Variants in LIN28B observed in about 807,000 individuals in gnomAD.
The protein encoded by LIN28B is protein lin-28 homolog B.
Under a neutral mutation model 21.9 loss-of-function variants are expected in LIN28B, and 5 were observed. That is an observed-to-expected ratio of 0.23 (90% CI 0.12 to 0.48). The LOEUF (loss-of-function observed/expected upper bound fraction) is 0.48. Ranked by LOEUF, LIN28B falls within the 20% of genes least tolerant of loss-of-function variation. The pLI is 0.98. For synonymous variants in LIN28B, 109 were observed against 111.3 expected, an observed-to-expected ratio of 0.98 and a Z score of 0.13; for missense variants, 245 against 310.5, an observed-to-expected ratio of 0.79 and a Z score of 1.58.
chr6:105,053,687 G>A (rs1027268038), intron 3 of LIN28B, among the ~76,000 whole-genome samples: 1 of 141,426 alleles, frequency 7.1e-6, no homozygotes, highest in Non-Finnish European at 1.5e-5. Flanking sequence ...CTTTTTTATG[G>A]TTGTTTGTAT....
chr6:105,048,376 A>G (rs1462253991), intron 3 of LIN28B, among the ~76,000 whole-genome samples: 1 of 152,154 alleles, frequency 6.6e-6, no homozygotes, highest in Admixed American at 6.5e-5. Context: ...AGCCCATTTG[A>G]TCATGGTGGA....
chr6:104,958,025 A>C, intron 1 of LIN28B, 74 bp from the exon 2 acceptor site: 5 of 853,468 alleles, frequency 5.9e-6, no homozygotes, highest in South Asian at 3.8e-5. Context: ...CAGGCAGGCA[A>C]TTTTTTTTTT....
Position 104,989,576 on chromosome 6 carries a change from G to GTTTTTTTTTTTT in LIN28B, c.198+31304_198+31315dup, listed in dbSNP as rs34394074. ...GAAACTTTATTTTTATTTTACTTGG[G>GTTTTTTTTTTTT]TTTTTTTTTTTTTTTTTTTTTTTTT... is the stretch of plus-strand genomic sequence containing the variant. On this transcript the variant is annotated intron_variant, in intron 2 of 3. Coordinates refer to ENST00000345080, the MANE Select transcript of LIN28B (RefSeq NM_001004317.4). Among the ~76,000 whole-genome samples, 403 of 60,582 alleles carry GTTTTTTTTTTTT rather than the reference G, an allele frequency of 6.7e-3. 2 individuals are homozygous for GTTTTTTTTTTTT. The highest frequency in any genetic ancestry group is 7.3e-3 in the Admixed American group (27 of 3,684). The allele number at this position is 60,582 out of a possible 152,430, so 39.7% of individuals were successfully genotyped here.
intron 3 of LIN28B, among the ~76,000 whole-genome samples, chr6:105,055,054 T>C (rs535494861): frequency 2.0e-5 from 3 of 152,284 alleles, no homozygotes; most frequent in East Asian, 3.9e-4. Flanking sequence ...TAGTGTAAAA[T>C]GTATCTTTTT....
intron 3 of LIN28B, among the ~76,000 whole-genome samples, chr6:105,049,713 T>C (rs1562106388): frequency 2.0e-5 from 3 of 152,304 alleles, no homozygotes; most frequent in African/African-American, 7.2e-5. Context: ...ATATTTAGGA[T>C]AGTTAGCTCT....
chr6:105,059,723 C>A (rs1229910684), intron 3 of LIN28B, among the ~76,000 whole-genome samples: 1 of 152,084 alleles, frequency 6.6e-6, no homozygotes, highest in African/African-American at 2.4e-5. Context: ...TATGACAATA[C>A]TATTTGGCCC....
intron 2 of LIN28B, among the ~76,000 whole-genome samples, chr6:104,966,771 G>A (rs910337962): frequency 6.6e-6 from 1 of 151,768 alleles, no homozygotes; most frequent in Non-Finnish European, 1.5e-5. Flanking sequence ...ACAGGCACTC[G>A]CCACCACGCC....
intron 3 of LIN28B, among the ~76,000 whole-genome samples, chr6:105,033,657 G>A (rs1219052999): frequency 1.3e-5 from 2 of 151,650 alleles, no homozygotes; most frequent in African/African-American, 4.8e-5. Flanking sequence ...ATTACAAAAA[G>A]AGTAAAGAAA....
intron 2 of LIN28B, among the ~76,000 whole-genome samples, chr6:104,962,362 T>G (rs1769764888): frequency 6.6e-6 from 1 of 152,036 alleles, no homozygotes; most frequent in African/African-American, 2.4e-5. Flanking sequence ...TCATCTTCAT[T>G]TACCTTACAA....
rs546574101 is a variant in LIN28B at position 105,043,766 on chromosome 6, A to C, written c.383+17284A>C. On this transcript the variant is annotated intron_variant, in intron 3 of 3. Transcript: ENST00000345080. The stretch of plus-strand genomic sequence containing the variant: ...CCTGCTAATTTTGTATTTTTAGTAG[A>C]GATGGGGTTTCACTAGCCTAGGCTA... 2.8e-4 allele frequency among the ~76,000 whole-genome samples: 42 copies of C among 152,030 alleles called. No homozygotes were observed. The South Asian group carries it at 8.5e-3, about 31-fold the overall frequency.
At chr6:105,016,677 C>T (rs533461826) in intron 2 of LIN28B, among the ~76,000 whole-genome samples, 16 of 152,264 alleles carry the variant, frequency 1.1e-4, no homozygotes, top group South Asian at 8.3e-4. Flanking sequence ...ATATGCTGAA[C>T]ACCTGCTATG....
intron 3 of LIN28B, among the ~76,000 whole-genome samples, chr6:105,041,350 C>T (rs1183114257): frequency 6.6e-6 from 1 of 152,076 alleles, no homozygotes; most frequent in Admixed American, 6.5e-5. Context: ...TTTCAGATCT[C>T]ACTTGTATAA....
intron 2 of LIN28B, among the ~76,000 whole-genome samples, chr6:104,938,319 AGAAATTGCCAAGGTTCACTTTTAGAAG>A (rs1456523011): frequency 3.3e-5 from 5 of 152,142 alleles, no homozygotes; most frequent in African/African-American, 1.2e-4. Context: ...ACTTTTATAA[AGAAATTGCCAAGGTTCACTTTTAGAAG>A]GAAATTGCCA....
Position 105,078,417 on chromosome 6 carries a change from C to T in LIN28B, c.387C>T (p.Cys129=), listed in dbSNP as rs778859816. The T allele has an allele frequency of 1.9e-6, 3 of 1,598,038 alleles. No individual in the cohort carries two copies. In the Admixed American group the frequency reaches 5.0e-5, roughly 27 times the overall value. The change falls in exon 4 of 4, where the codon TGC becomes TGT. Residue 129 remains cysteine, a synonymous_variant. Coordinates refer to ENST00000345080, the MANE Select transcript of LIN28B (RefSeq NM_001004317.4). ...TTTTCATCTTTTTTCCTTGTAGATG[C>T]TACAACTGTGGTGGCCTTGATCATC... ...LQKRKPKGDR[C]YNCGGLDHHA...
intron 2 of LIN28B, among the ~76,000 whole-genome samples, chr6:105,022,303 G>A (rs990631490): frequency 1.3e-5 from 2 of 152,140 alleles, no homozygotes; most frequent in East Asian, 1.9e-4. Flanking sequence ...CTGACAAGAG[G>A]CAGATTAATA....
intron 2 of LIN28B, among the ~76,000 whole-genome samples, chr6:104,998,359 G>C (rs1562087120): frequency 1.3e-5 from 2 of 152,092 alleles, no homozygotes; most frequent in African/African-American, 4.8e-5. Context: ...AGATTTTTCA[G>C]TGTTAAACAG....
chr6:105,044,635 T>G (rs964806459), intron 3 of LIN28B, among the ~76,000 whole-genome samples: 1 of 152,172 alleles, frequency 6.6e-6, no homozygotes, highest in African/African-American at 2.4e-5. Flanking sequence ...TCATATGGCT[T>G]GATCTAATTT....
chr6:105,017,716 C>T (rs1169663921), intron 2 of LIN28B, among the ~76,000 whole-genome samples: 1 of 149,738 alleles, frequency 6.7e-6, no homozygotes, highest in Non-Finnish European at 1.5e-5. Flanking sequence ...AATATGGCAA[C>T]AATAGACACC....
At chr6:105,074,374 A>AT (rs1772385254) in intron 3 of LIN28B, among the ~76,000 whole-genome samples, 1 of 151,738 alleles carries the variant, frequency 6.6e-6, no homozygotes, top group Admixed American at 6.6e-5. Context: ...ATTTTTTGTT[A>AT]TTTTTAGCAG....
Sources: allele counts gnomAD v4.1 joint callset (sites outside exome capture counted in the v4.1 genomes callset), GRCh38; gene constraint gnomAD v4.1.1; transcripts MANE v1.5; gene names NCBI Gene and HGNC (gene_info 2026-07-23, HGNC 2026-07-21).